The following ROBO1 variants were observed in gnomAD, a reference collection of about 807,000 sequenced individuals.
The protein encoded by ROBO1 is roundabout homolog 1.
In ROBO1, 149 loss-of-function variants were observed where a neutral mutation model predicts 195.9. The ratio of observed to expected loss-of-function variants is 0.76; its 90% CI spans 0.67 to 0.87. The LOEUF (loss-of-function observed/expected upper bound fraction) is 0.87, where lower values mean the gene tolerates loss of function less well. Ranked by LOEUF, ROBO1 falls within the 40% of genes least tolerant of loss-of-function variation. The pLI, the probability that ROBO1 is intolerant of heterozygous loss-of-function variation, is 0.00. For synonymous variants in ROBO1, 816 were observed against 733.2 expected (o/e 1.11, Z -1.82); for missense variants, 1,933 against 2,068.3 (o/e 0.93, Z 1.27).
chr3:79,673,678 ATAACTT>A (rs140194127), intron 1 of ROBO1, among the ~76,000 whole-genome samples: 1,768 of 152,132 alleles, frequency 0.012, 31 homozygotes, highest in African/African-American at 0.041. Flanking sequence ...AATAGCAAGA[ATAACTT>A]TAAGATTCGT....
intron 8 of ROBO1, among the ~76,000 whole-genome samples, chr3:78,689,812 C>T (rs58817414): frequency 0.019 from 2,955 of 151,930 alleles, 95 homozygotes; most frequent in African/African-American, 0.066. Flanking sequence ...TTAAATCAAT[C>T]ACTTAGGGAA....
intron 3 of ROBO1, among the ~76,000 whole-genome samples, chr3:78,972,801 G>A (rs1316588884): frequency 6.6e-6 from 1 of 152,084 alleles, no homozygotes; most frequent in African/African-American, 2.4e-5. Flanking sequence ...AAAGGCCTCA[G>A]GCTGGTGATA....
At chr3:79,181,847 G>T (rs2081345927) in intron 2 of ROBO1, among the ~76,000 whole-genome samples, 1 of 151,000 alleles carries the variant, frequency 6.6e-6, no homozygotes, top group South Asian at 2.1e-4. Flanking sequence ...GATTGTTTGT[G>T]CCTGGGAGGT....
At chr3:78,716,783 C>T (rs1426304677) in intron 7 of ROBO1, among the ~76,000 whole-genome samples, 2 of 152,090 alleles carry the variant, frequency 1.3e-5, no homozygotes, top group Admixed American at 6.5e-5. Flanking sequence ...GGCACATTCC[C>T]TAAGGCTCCC....
At chr3:78,993,350 T>G (rs2077281791) in intron 3 of ROBO1, among the ~76,000 whole-genome samples, 1 of 152,214 alleles carries the variant, frequency 6.6e-6, no homozygotes, top group African/African-American at 2.4e-5. Context: ...AAATCCTAAG[T>G]AAACTGCATT....
At chr3:78,649,243 A>G (rs2107609426) in intron 19 of ROBO1, among the ~76,000 whole-genome samples, 1 of 152,262 alleles carries the variant, frequency 6.6e-6, no homozygotes, top group Admixed American at 6.5e-5. Flanking sequence ...GGTCCTTGTC[A>G]TTACTTCTCC....
At chr3:78,658,285 C>T (rs1707165611) in intron 17 of ROBO1, among the ~76,000 whole-genome samples, 1 of 152,172 alleles carries the variant, frequency 6.6e-6, no homozygotes, top group African/African-American at 2.4e-5. Flanking sequence ...AAAACATGCT[C>T]ATTATTATTA....
intron 5 of ROBO1, among the ~76,000 whole-genome samples, chr3:78,721,029 A>C (rs2082032638): frequency 6.6e-6 from 1 of 152,054 alleles, no homozygotes; most frequent in South Asian, 2.1e-4. Context: ...GCACACCAAC[A>C]TGGCACATGT....
At chr3:78,754,654 G>C (rs1219490552) in intron 4 of ROBO1, among the ~76,000 whole-genome samples, 1 of 148,744 alleles carries the variant, frequency 6.7e-6, no homozygotes, top group Non-Finnish European at 1.5e-5. Flanking sequence ...TTAAATGGTG[G>C]CTTGCATTGG....
intron 18 of ROBO1, 44 bp downstream of exon 18, chr3:78,657,054 G>C: frequency 1.3e-6 from 2 of 1,527,786 alleles, no homozygotes; most frequent in Non-Finnish European, 8.8e-7. Context: ...TGGGACACAT[G>C]GTAGAGTGAG....
intron 3 of ROBO1, among the ~76,000 whole-genome samples, chr3:79,111,507 T>C (rs1485722977): frequency 6.6e-6 from 1 of 152,120 alleles, no homozygotes; most frequent in African/African-American, 2.4e-5. Context: ...AGTTATCACA[T>C]TAAAAATTAC....
chr3:79,105,089 C>G (rs940665401), intron 3 of ROBO1, among the ~76,000 whole-genome samples: 1 of 151,642 alleles, frequency 6.6e-6, no homozygotes, highest in Non-Finnish European at 1.5e-5. Context: ...ATCTAGGAGA[C>G]CATCTTTGTG....
In ROBO1 at chr3:79,509,051, T is replaced by C. The variant is rs556619595; in HGVS notation, c.88+80773A>G. Among the ~76,000 whole-genome samples the C allele has an allele frequency of 7.2e-5, 11 of 152,288 alleles. No homozygotes were observed. In the South Asian group the frequency reaches 1.9e-3, roughly 26 times the overall value. On this transcript the variant is annotated intron_variant, in intron 2 of 30. Transcript: ENST00000464233. ...ATTTGATGACACATTAGTAAGTCCT[T>C]AGCAAAAACAATTTTTATAATGTAG...
intron 4 of ROBO1, among the ~76,000 whole-genome samples, chr3:78,925,421 G>GA (rs1381609416): frequency 6.6e-6 from 1 of 152,016 alleles, no homozygotes; most frequent in Non-Finnish European, 1.5e-5. Context: ...GTTTATTCTA[G>GA]AAAAAAATTA....
At chr3:79,332,110 T>G (rs527437135) in intron 2 of ROBO1, among the ~76,000 whole-genome samples, 2 of 142,578 alleles carry the variant, frequency 1.4e-5, no homozygotes, top group African/African-American at 5.4e-5. Context: ...GCCGCTGTAC[T>G]CTAGCCTGGG....
At chr3:79,468,680 A>C (rs1938103519) in intron 2 of ROBO1, among the ~76,000 whole-genome samples, 2 of 152,148 alleles carry the variant, frequency 1.3e-5, no homozygotes, top group African/African-American at 4.8e-5. Flanking sequence ...TGTATGAAGC[A>C]ATCAGAAAAT....
intron 4 of ROBO1, among the ~76,000 whole-genome samples, chr3:78,799,008 G>C (rs2084271755): frequency 6.6e-6 from 1 of 152,026 alleles, no homozygotes; most frequent in Non-Finnish European, 1.5e-5. Context: ...GCCATGAGAA[G>C]AATCAGCTTG....
chr3:79,684,876 G>A (rs564895544), intron 1 of ROBO1, among the ~76,000 whole-genome samples: 9 of 151,686 alleles, frequency 5.9e-5, no homozygotes, highest in East Asian at 3.9e-4. Context: ...GGGTTTCACC[G>A]TGTTGCCCGG....
At chr3:79,501,791 C>A (rs758372854) in intron 2 of ROBO1, among the ~76,000 whole-genome samples, 11 of 152,148 alleles carry the variant, frequency 7.2e-5, no homozygotes, top group Non-Finnish European at 1.3e-4. Flanking sequence ...TCCTATTATT[C>A]TTAAATCCAT....
Sources: gnomAD v4.1 joint callset for allele counts (sites outside exome capture counted in the v4.1 genomes callset) on GRCh38, gnomAD v4.1.1 for gene constraint, MANE v1.5 for transcripts, NCBI Gene and HGNC (gene_info 2026-07-23, HGNC 2026-07-21) for gene names.